CUX1: variants seen among roughly 807,000 people sequenced by gnomAD.
The protein encoded by CUX1 is cut like homeobox 1, also known as protein CASP.
CUX1 carries 31 observed loss-of-function variants against 158.8 expected under a neutral mutation model. That is an observed-to-expected ratio of 0.20 (90% CI 0.15 to 0.26). CUX1 has a LOEUF of 0.26. Among genes scored for constraint, CUX1 ranks in the 10% least tolerant of loss-of-function variants. CUX1 has a pLI of 1.00. For missense variants in CUX1, 1,589 were observed against 2,014.6 expected, an observed-to-expected ratio of 0.79 and a Z score of 4.04; for synonymous variants, 879 against 862.1, an observed-to-expected ratio of 1.02 and a Z score of -0.34.
At chr7:102,274,663 T>TA (rs1465659342) in intron 16 of CUX1, among the ~76,000 whole-genome samples, 3 of 152,204 alleles carry the variant, frequency 2.0e-5, no homozygotes, top group African/African-American at 7.2e-5. Flanking sequence ...TTCTGGATCT[T>TA]AGACTGACAC....
intron 2 of CUX1, among the ~76,000 whole-genome samples, chr7:101,971,548 T>A (rs768483064): frequency 1.1e-4 from 16 of 152,266 alleles, no homozygotes; most frequent in Non-Finnish European, 1.8e-4. Flanking sequence ...TAGACAACTA[T>A]CCAAAGTTCC....
At chr7:102,114,526 G>C (rs201500) in intron 7 of CUX1, among the ~76,000 whole-genome samples, 95,895 of 152,100 alleles carry the variant, frequency 0.63, 31,787 homozygotes, top group African/African-American at 0.8. Flanking sequence ...ATCTGCCCGT[G>C]TCAGCCTCCC....
chr7:102,119,342 C>T (rs1342254170), intron 8 of CUX1, among the ~76,000 whole-genome samples: 4 of 152,184 alleles, frequency 2.6e-5, no homozygotes, highest in African/African-American at 9.7e-5. Flanking sequence ...TGCTCCGAGA[C>T]CCCGGTTTAT....
Position 102,256,516 on chromosome 7 carries a change from G to A in CUX1, c.*7474G>A. The A allele has an allele frequency of 1.0e-6, 1 of 985,372 alleles. No homozygotes were observed. Among genetic ancestry groups the A allele is most frequent in the Non-Finnish European group, 1.2e-6 (1 of 829,936 alleles). 61.0% of individuals were successfully genotyped at this position (985,372 alleles called of 1,614,324 possible). A position where few individuals can be genotyped will look rare whatever the true frequency, so the allele number is the denominator to read the frequency against. On this transcript the variant is annotated 3_prime_UTR_variant, in exon 24 of 24. Transcript: ENST00000292535. ...CTGGGGGATTGACTGGGGGGCAGAG[G>A]GGGTTTCCCCAGCAAAATCAAACAC...
At chr7:102,109,556 G>A (rs1830683123) in intron 6 of CUX1, among the ~76,000 whole-genome samples, 1 of 152,094 alleles carries the variant, frequency 6.6e-6, no homozygotes, top group Non-Finnish European at 1.5e-5. Flanking sequence ...GGCTAAGGCA[G>A]GCGGATCACT....
chr7:102,158,597 A>C lies in CUX1; in HGVS notation c.712A>C (p.Arg238=), dbSNP rs1554506058. The change falls in exon 9 of 24, where the codon AGG becomes CGG. Residue 238 remains arginine, a synonymous_variant. Coordinates refer to ENST00000292535, the MANE Select transcript of CUX1 (RefSeq NM_181552.4). ...TGAAATGATCATGACGGACCTTGAAAGGGCAAACCAGGTAGGACCCTGGAC... is the reference window on the plus strand; with the variant it reads ...TGAAATGATCATGACGGACCTTGAACGGGCAAACCAGGTAGGACCCTGGAC... The part of the protein sequence containing the change: ...EIEMIMTDLE[R]ANQRAEVAQR... The C allele has an allele frequency of 8.7e-6, 14 of 1,613,736 alleles. No individual in the cohort carries two copies. The highest frequency in any genetic ancestry group is 1.3e-5 in the African/African-American group (1 of 74,916).
intron 8 of CUX1, among the ~76,000 whole-genome samples, chr7:102,152,872 G>A (rs374548147): frequency 2.6e-5 from 4 of 152,222 alleles, no homozygotes; most frequent in Non-Finnish European, 1.5e-5. Flanking sequence ...GTGTGGTGTC[G>A]TCATTGTCAT....
chr7:102,174,020 G>A (rs1375585032), intron 10 of CUX1, among the ~76,000 whole-genome samples: 2 of 152,148 alleles, frequency 1.3e-5, no homozygotes, highest in Non-Finnish European at 2.9e-5. Context: ...CCCATCCATT[G>A]GGTATCCCAG....
At chr7:102,234,448 A>T (rs1799321499) in intron 22 of CUX1, among the ~76,000 whole-genome samples, 1 of 152,136 alleles carries the variant, frequency 6.6e-6, no homozygotes, top group East Asian at 1.9e-4. Context: ...CAGCAGCCTG[A>T]ATCTAAAGAT....
At position 102,190,229 on chromosome 7, in the gene CUX1, G is replaced by A. The variant is rs539398009; in HGVS notation, c.1076+358G>A. Reference sequence around the variant, plus strand: ...CAAAGCACAGGAGGGAAATGTTTTCGGGTTGAAGGTGGGCATATGGCCTCA... The same window carrying A: ...CAAAGCACAGGAGGGAAATGTTTTCAGGTTGAAGGTGGGCATATGGCCTCA... On this transcript the variant is annotated intron_variant, in intron 12 of 23. Coordinates refer to ENST00000292535, the MANE Select transcript of CUX1 (RefSeq NM_181552.4). 2.1e-4 allele frequency among the ~76,000 whole-genome samples: 32 copies of A among 152,288 alleles called. 1 individual carries two copies. Among genetic ancestry groups the A allele is most frequent in the Admixed American group, 7.2e-4 (11 of 15,306 alleles).
chr7:102,186,596 T>TATA (rs782309001), intron 11 of CUX1, among the ~76,000 whole-genome samples: 2 of 92,618 alleles, frequency 2.2e-5, no homozygotes, highest in African/African-American at 4.3e-5. Context: ...TATATATATA[T>TATA]TTTTTTTTAT....
Position 101,821,345 on chromosome 7 carries a change from T to C in CUX1, c.30+3676T>C, listed in dbSNP as rs181415017. 2.8e-4 allele frequency among the ~76,000 whole-genome samples: 43 copies of C among 151,368 alleles called. No homozygotes were observed. The East Asian group carries it at 7.3e-3, about 26-fold the overall frequency. ...GGTGAGGGGGATATTTTCTTTCTTT[T>C]TTTTTTTTTTTGAGACAGAGTCTCG... is the stretch of plus-strand genomic sequence containing the variant. On this transcript the variant is annotated intron_variant, in intron 1 of 23. Coordinates refer to ENST00000292535, the MANE Select transcript of CUX1 (RefSeq NM_181552.4).
chr7:102,148,347 TG>T (rs2131466941), intron 8 of CUX1, among the ~76,000 whole-genome samples: 1 of 152,274 alleles, frequency 6.6e-6, no homozygotes, highest in East Asian at 1.9e-4. Context: ...GAGATCAGCC[TG>T]ACCAACATGG....
intron 2 of CUX1, among the ~76,000 whole-genome samples, chr7:101,972,627 G>A (rs756132025): frequency 1.3e-5 from 2 of 152,154 alleles, no homozygotes; most frequent in Non-Finnish European, 2.9e-5. Flanking sequence ...CTGTATTCAC[G>A]CGCCCTCACC....
intron 1 of CUX1, among the ~76,000 whole-genome samples, chr7:101,821,429 C>T (rs1054842838): frequency 2.6e-5 from 4 of 151,682 alleles, no homozygotes; most frequent in Non-Finnish European, 4.4e-5. Flanking sequence ...AACTCCGCCT[C>T]CCGGGTTCAC....
intron 7 of CUX1, 37 bp from the exon 8 acceptor site, chr7:102,115,170 A>T: frequency 6.3e-7 from 1 of 1,580,834 alleles, no homozygotes. Flanking sequence ...TTCTTTTAAA[A>T]TTTCATTTAA....
intron 1 of CUX1, among the ~76,000 whole-genome samples, chr7:101,910,489 G>A (rs773702649): frequency 1.6e-4 from 25 of 152,048 alleles, no homozygotes; most frequent in Admixed American, 1.2e-3. Context: ...AGGCATGGTG[G>A]CTTATGCCTG....
chr7:101,851,696 A>G (rs1584761272), intron 1 of CUX1, among the ~76,000 whole-genome samples: 1 of 152,182 alleles, frequency 6.6e-6, no homozygotes, highest in East Asian at 1.9e-4. Context: ...CTCAGATTTC[A>G]TGAACACGCA....
chr7:102,271,806 G>A (rs541512364), intron 14 of CUX1, among the ~76,000 whole-genome samples: 45 of 152,360 alleles, frequency 3.0e-4, no homozygotes, highest in African/African-American at 9.9e-4. Context: ...GAGGCGGACA[G>A]ATCACTTGAG....
Sources: gnomAD v4.1 joint callset for allele counts (sites outside exome capture counted in the v4.1 genomes callset) on GRCh38, gnomAD v4.1.1 for gene constraint, MANE v1.5 for transcripts, NCBI Gene and HGNC (gene_info 2026-07-23, HGNC 2026-07-21) for gene names.